Variants in FOXP2 observed in about 807,000 individuals in gnomAD.
FOXP2 encodes forkhead box P2.
In FOXP2, 12 loss-of-function variants were observed where a neutral mutation model predicts 115.8. The ratio of observed to expected loss-of-function variants is 0.10; its 90% CI spans 0.07 to 0.17. The LOEUF (loss-of-function observed/expected upper bound fraction) is 0.17. FOXP2 is among the 10% of genes least tolerant of loss of function. The probability of loss-of-function intolerance (pLI) is 1.00; values close to 1 mark genes in which losing one functional copy is unlikely to be tolerated. For missense variants in FOXP2, 629 were observed against 843.5 expected (o/e 0.75, Z 3.15); for synonymous variants, 328 against 297.7 (o/e 1.10, Z -1.05).
intron 1 of FOXP2, among the ~76,000 whole-genome samples, chr7:114,112,014 TCCTAGGAAGAACAGG>T (rs1791279210): frequency 6.6e-6 from 1 of 151,892 alleles, no homozygotes. Flanking sequence ...TGTGGCAGAG[TCCTAGGAAGAACAGG>T]GACCAAATAT....
intron 1 of FOXP2, among the ~76,000 whole-genome samples, chr7:114,263,059 A>C (rs1386618706): frequency 1.3e-5 from 2 of 152,142 alleles, no homozygotes; most frequent in African/African-American, 2.4e-5. Flanking sequence ...TTCTTTTGAC[A>C]AACAACTCTT....
At chr7:114,474,395 G>A (rs1185325029) in intron 2 of FOXP2, among the ~76,000 whole-genome samples, 1 of 152,092 alleles carries the variant, frequency 6.6e-6, no homozygotes, top group Non-Finnish European at 1.5e-5. Context: ...CAAAATGAAT[G>A]AGAAAAAGAA....
intron 3 of FOXP2, chr7:114,561,656 A>G (rs758657935): frequency 1.3e-5 from 2 of 152,210 alleles, no homozygotes; most frequent in Non-Finnish European, 2.9e-5. Flanking sequence ...AAAAGAAAAT[A>G]TACTGCTTTT....
At chr7:114,270,813 T>C (rs887962494) in intron 1 of FOXP2, among the ~76,000 whole-genome samples, 1 of 152,126 alleles carries the variant, frequency 6.6e-6, no homozygotes, top group African/African-American at 2.4e-5. Context: ...AAGTTTTCAG[T>C]TTTAATGAAG....
At chr7:114,413,523 C>G (rs1178650423), upstream of FOXP2, among the ~76,000 whole-genome samples, 1 of 151,788 alleles carries the variant, frequency 6.6e-6, no homozygotes, top group Non-Finnish European at 1.5e-5. Context: ...AATTATTTAA[C>G]TATAAAATGA....
chr7:114,542,486 CT>C (rs779878972), intron 3 of FOXP2, among the ~76,000 whole-genome samples: 21 of 152,108 alleles, frequency 1.4e-4, no homozygotes, highest in African/African-American at 1.9e-4. Flanking sequence ...AACCCTAAGG[CT>C]TTTTCCTTTT....
chr7:114,396,669 GGGTGGT>G (rs142670125), intron 2 of FOXP2, among the ~76,000 whole-genome samples: 2 of 151,506 alleles, frequency 1.3e-5, no homozygotes, highest in East Asian at 1.9e-4. Flanking sequence ...GGGGTTGAGA[GGGTGGT>G]GGTGGTGGTG....
intron 8 of FOXP2, among the ~76,000 whole-genome samples, chr7:114,649,819 A>G (rs1016501580): frequency 6.6e-6 from 1 of 152,086 alleles, no homozygotes; most frequent in Non-Finnish European, 1.5e-5. Context: ...AGGCTGTTCT[A>G]TAAATGATCA....
upstream of FOXP2, among the ~76,000 whole-genome samples, chr7:114,161,537 G>GTTT (rs34029607): frequency 1.3e-5 from 2 of 149,048 alleles, no homozygotes; most frequent in Non-Finnish European, 1.5e-5. Flanking sequence ...TCTCACAATA[G>GTTT]TTTTTTTTTT....
intron 2 of FOXP2, among the ~76,000 whole-genome samples, chr7:114,492,204 T>TG (rs1476801804): frequency 4.6e-5 from 7 of 152,138 alleles, no homozygotes; most frequent in Admixed American, 4.6e-4. Flanking sequence ...TGCGTAGAGG[T>TG]GTTTATAGTA....
At chr7:114,316,345 C>T (rs538872009) in intron 2 of FOXP2, among the ~76,000 whole-genome samples, 11 of 152,142 alleles carry the variant, frequency 7.2e-5, no homozygotes, top group Admixed American at 6.5e-4. Context: ...ATAATGTTCT[C>T]GACCAGTTCA....
At chr7:114,245,854 C>A (rs1402749676) in intron 1 of FOXP2, among the ~76,000 whole-genome samples, 2 of 129,806 alleles carry the variant, frequency 1.5e-5, no homozygotes, top group Non-Finnish European at 3.1e-5. Flanking sequence ...GTTTTTTTTC[C>A]TTGCGTATTT....
chr7:114,193,003 A>G (rs967331140), intron 1 of FOXP2, among the ~76,000 whole-genome samples: 3 of 152,128 alleles, frequency 2.0e-5, no homozygotes, highest in Admixed American at 6.6e-5. Context: ...GAGTTCTTAT[A>G]TTTCAGTCTC....
At chr7:114,421,240 C>T (rs1793605703) in intron 1 of FOXP2, among the ~76,000 whole-genome samples, 1 of 151,008 alleles carries the variant, frequency 6.6e-6, no homozygotes, top group African/African-American at 2.4e-5. Context: ...GTTTTGTTTC[C>T]ATTTTAAACT....
chr7:114,252,068 G>T (rs1795460465), intron 1 of FOXP2, among the ~76,000 whole-genome samples: 1 of 152,142 alleles, frequency 6.6e-6, no homozygotes, highest in Admixed American at 6.6e-5. Flanking sequence ...TTTGCCTTTG[G>T]TTCTGTTTAT....
chr7:114,309,944 C>T lies in FOXP2; in HGVS notation c.-11+21835C>T, dbSNP rs537150601. On this transcript the variant is annotated intron_variant, in intron 2 of 17. Coordinates refer to the FOXP2 transcript ENST00000634411. ...CCTCCCACAGTGCTGGGATTAAAGG[C>T]ATGAGCCACTGCACCTGGTGGGAGG... 6.6e-5 allele frequency among the ~76,000 whole-genome samples: 10 copies of T among 152,008 alleles called. No homozygotes were observed. The South Asian group carries it at 2.1e-3, about 32-fold the overall frequency.
At chr7:114,221,516 A>G (rs1794620688) in intron 1 of FOXP2, among the ~76,000 whole-genome samples, 1 of 152,172 alleles carries the variant, frequency 6.6e-6, no homozygotes, top group African/African-American at 2.4e-5. Context: ...ACTGGTAAGT[A>G]GCACTTTTTC....
At chr7:114,221,736 G>T (rs1279741419) in intron 1 of FOXP2, among the ~76,000 whole-genome samples, 2 of 152,122 alleles carry the variant, frequency 1.3e-5, no homozygotes, top group African/African-American at 2.4e-5. Flanking sequence ...AGCATAATTT[G>T]TGTGCATGAT....
At chr7:114,231,161 T>G (rs975236726) in intron 1 of FOXP2, among the ~76,000 whole-genome samples, 3 of 151,974 alleles carry the variant, frequency 2.0e-5, no homozygotes, top group Non-Finnish European at 2.9e-5. Flanking sequence ...AAGTATAAAA[T>G]ACTCATCAAT....
Sources: gnomAD v4.1 joint callset for allele counts (sites outside exome capture counted in the v4.1 genomes callset) on GRCh38, gnomAD v4.1.1 for gene constraint, MANE v1.5 for transcripts, NCBI Gene and HGNC (gene_info 2026-07-23, HGNC 2026-07-21) for gene names.